Variants in INPP4A observed in about 807,000 individuals in gnomAD.
The protein encoded by INPP4A is inositol polyphosphate-4-phosphatase, type I, 107kD.
INPP4A carries 33 observed loss-of-function variants against 119.8 expected under a neutral mutation model. The ratio of observed to expected loss-of-function variants is 0.28; its 90% confidence interval spans 0.21 to 0.37. The LOEUF is 0.37. INPP4A is among the 10% of genes least tolerant of loss of function. The probability of loss-of-function intolerance (pLI) is 1.00; values close to 1 mark genes in which losing one functional copy is unlikely to be tolerated. For synonymous variants in INPP4A, 496 were observed against 500.7 expected, an observed-to-expected ratio of 0.99 and a Z score of 0.12; for missense variants, 956 against 1,289.9, an observed-to-expected ratio of 0.74 and a Z score of 3.97.
chr2:98,548,544 T>A (rs1692904683), intron 13 of INPP4A, among the ~76,000 whole-genome samples: 1 of 152,222 alleles, frequency 6.6e-6, no homozygotes. Context: ...GGGGTCTTTG[T>A]CCCAGGAGGC....
intron 1 of INPP4A, among the ~76,000 whole-genome samples, chr2:98,511,913 C>G (rs1685189230): frequency 6.6e-6 from 1 of 152,206 alleles, no homozygotes; most frequent in African/African-American, 2.4e-5. Context: ...TGATTATAAA[C>G]TGTAGCGCAA....
chr2:98,522,565 G>T (rs563110110), intron 4 of INPP4A, among the ~76,000 whole-genome samples: 1 of 152,086 alleles, frequency 6.6e-6, no homozygotes, highest in East Asian at 1.9e-4. Context: ...CAGAAGGTCC[G>T]ATATTTAGAA....
chr2:98,477,702 C>T (rs1175153899), intron 1 of INPP4A, among the ~76,000 whole-genome samples: 4 of 152,218 alleles, frequency 2.6e-5, no homozygotes, highest in South Asian at 2.1e-4. Context: ...ACCCAGAGTC[C>T]AGGAGTCTGA....
chr2:98,539,550 C>T lies in INPP4A; in HGVS notation c.693C>T (p.Arg231=), dbSNP rs1261488724. The change falls in exon 10 of 25, where the codon CGC becomes CGT. Residue 231 remains arginine, a synonymous_variant. Transcript: ENST00000409851. ...LKSVFGGAIC[R]MYRFPTTDGN... is the part of the protein sequence containing the mutation. Reference sequence around the variant, plus strand: ...CAGTGTTCGGTGGTGCCATCTGCCGCATGTACCGGTTTCCAACCACTGATG... The same window carrying T: ...CAGTGTTCGGTGGTGCCATCTGCCGTATGTACCGGTTTCCAACCACTGATG... 2 of 1,611,208 alleles carry T rather than the reference C, an allele frequency of 1.2e-6. No homozygotes were observed. Among genetic ancestry groups the T allele is most frequent in the Non-Finnish European group, 1.7e-6 (2 of 1,178,380 alleles).
Position 98,593,208 on chromosome 2 carries a change from T to C in INPP4A, c.*5600T>C, listed in dbSNP as rs1281596714. On this transcript the variant is annotated 3_prime_UTR_variant, in exon 25 of 25. Coordinates refer to ENST00000409851, the MANE Select transcript of INPP4A (RefSeq NM_001134225.2). Reference sequence around the variant, plus strand: ...GCCAGTCCAGGCAGGTCTTTCACACTGTTGTCCCACATAACAGAAAAAGCT... The same window carrying C: ...GCCAGTCCAGGCAGGTCTTTCACACCGTTGTCCCACATAACAGAAAAAGCT... The C allele has an allele frequency of 6.6e-6, 1 of 152,380 alleles. No homozygotes were observed. The highest frequency in any genetic ancestry group is 1.5e-5 in the Non-Finnish European group (1 of 68,130). 9.4% of individuals were successfully genotyped at this position (152,380 alleles called of 1,614,324 possible).
chr2:98,526,119 GA>G (rs1688143433), intron 4 of INPP4A, among the ~76,000 whole-genome samples: 1 of 152,088 alleles, frequency 6.6e-6, no homozygotes, highest in Admixed American at 6.5e-5. Flanking sequence ...AAAAAAGAAT[GA>G]ATTATCAATA....
rs1692555360 is a variant in INPP4A, at chr2:98,546,791, A to G, written c.1163+97A>G. On this transcript the variant is annotated intron_variant, in intron 13 of 24. Coordinates refer to ENST00000409851, the MANE Select transcript of INPP4A (RefSeq NM_001134225.2). The surrounding 1 kb of genome is among the most constrained non-coding windows in gnomAD (Gnocchi z 4.2). ...TCAAAATATGACCGCAAAAACACCCAGCCATCTGATCTGCTTTTGCGTGGC... is the reference window on the plus strand; with the variant it reads ...TCAAAATATGACCGCAAAAACACCCGGCCATCTGATCTGCTTTTGCGTGGC... 2 of 786,738 alleles carry G rather than the reference A, an allele frequency of 2.5e-6. No homozygotes were observed. Among genetic ancestry groups the G allele is most frequent in the African/African-American group, 3.4e-5 (2 of 58,128 alleles). 48.7% of individuals were successfully genotyped at this position (786,738 alleles called of 1,614,324 possible). A position where few individuals can be genotyped will look rare whatever the true frequency, so the allele number is the denominator to read the frequency against.
chr2:98,579,435 G>A (rs1275432201), intron 24 of INPP4A, among the ~76,000 whole-genome samples: 3 of 152,222 alleles, frequency 2.0e-5, no homozygotes, highest in Non-Finnish European at 4.4e-5. Context: ...AATCAAAGGT[G>A]CAGTGAATAT....
At chr2:98,530,787 G>GTT (rs1223749208) in intron 4 of INPP4A, among the ~76,000 whole-genome samples, 1 of 152,214 alleles carries the variant, frequency 6.6e-6, no homozygotes, top group Non-Finnish European at 1.5e-5. Flanking sequence ...ATATATTAGA[G>GTT]TTAAGAGACA....
intron 4 of INPP4A, chr2:98,521,668 A>C (rs1357535305): frequency 1.3e-5 from 2 of 152,284 alleles, no homozygotes. Context: ...ACAGTAGCTC[A>C]CACCTGTAAT....
chr2:98,488,563 C>A (rs531594223), intron 1 of INPP4A, among the ~76,000 whole-genome samples: 1 of 152,282 alleles, frequency 6.6e-6, no homozygotes, highest in South Asian at 2.1e-4. Flanking sequence ...AGTCACTCAC[C>A]CTCTCACCAG....
In INPP4A at chr2:98,456,741, A is replaced by C. The variant is rs779966683; in HGVS notation, c.-166+11656A>C. On this transcript the variant is annotated intron_variant, in intron 1 of 24. Coordinates refer to ENST00000409851, the MANE Select transcript of INPP4A (RefSeq NM_001134225.2). ...TGATAGTGCAAACAGTCTTACAAATAGTGTTCAACCATCGATTGCCCAAAA... is the reference window on the plus strand; with the variant it reads ...TGATAGTGCAAACAGTCTTACAAATCGTGTTCAACCATCGATTGCCCAAAA... 1.6e-4 allele frequency among the ~76,000 whole-genome samples: 25 copies of C among 152,224 alleles called. 1 individual carries two copies. Among genetic ancestry groups the C allele is most frequent in the Non-Finnish European group, 2.8e-4 (19 of 68,046 alleles).
intron 1 of INPP4A, among the ~76,000 whole-genome samples, chr2:98,480,842 C>G (rs1205436445): frequency 6.6e-6 from 1 of 152,244 alleles, no homozygotes; most frequent in Non-Finnish European, 1.5e-5. Flanking sequence ...GTGTGTCCGT[C>G]TCCGCAGCCA....
At position 98,588,893 on chromosome 2, in the gene INPP4A, T is replaced by C. The variant is rs1299104728; in HGVS notation, c.*1285T>C. 1.5e-5 allele frequency: 3 copies of C among 204,670 alleles called. No individual in the cohort carries two copies. The highest frequency in any genetic ancestry group is 6.9e-5 in the African/African-American group (3 of 43,750). The allele number at this position is 204,670 out of a possible 1,614,324, so 12.7% of individuals were successfully genotyped here. ...ATATTAATGATGCTGATCCTAATGA[T>C]TTGTGAACCTCTTAGAAATTCTTTT... On this transcript the variant is annotated 3_prime_UTR_variant, in exon 25 of 25. Coordinates refer to ENST00000409851, the MANE Select transcript of INPP4A (RefSeq NM_001134225.2).
chr2:98,524,803 T>C (rs1687883784), intron 4 of INPP4A, among the ~76,000 whole-genome samples: 1 of 152,152 alleles, frequency 6.6e-6, no homozygotes, highest in East Asian at 1.9e-4. Flanking sequence ...TAATAAAACC[T>C]TGAAGCCTCT....
chr2:98,564,817 C>T (rs1203744368), intron 19 of INPP4A, 54 bp downstream of exon 19: 1 of 1,510,192 alleles, frequency 6.6e-7, no homozygotes, highest in African/African-American at 1.4e-5. Context: ...GGTTTCCATC[C>T]TTTCTTGCTA....
At chr2:98,581,727 T>C (rs1346773698) in intron 24 of INPP4A, 5 of 1,611,830 alleles carry the variant, frequency 3.1e-6, no homozygotes, top group Non-Finnish European at 4.2e-6. Flanking sequence ...GAGCATAGCA[T>C]ACCTGGTGAC....
chr2:98,573,748 C>A (rs758422638), intron 23 of INPP4A, among the ~76,000 whole-genome samples: 2 of 152,174 alleles, frequency 1.3e-5, no homozygotes, highest in African/African-American at 2.4e-5. Flanking sequence ...AGCAGCAGAC[C>A]GTCTCAGCTG....
At chr2:98,548,030 G>A (rs1038596421) in intron 13 of INPP4A, among the ~76,000 whole-genome samples, 1 of 152,184 alleles carries the variant, frequency 6.6e-6, no homozygotes, top group Non-Finnish European at 1.5e-5. Flanking sequence ...GAGTCAGGAC[G>A]TGATCTGAGA....
Sources: gnomAD v4.1 joint callset for allele counts (sites outside exome capture counted in the v4.1 genomes callset) on GRCh38, gnomAD v4.1.1 for gene constraint, Gnocchi (gnomAD v3.1) non-coding constraint, MANE v1.5 for transcripts, NCBI Gene and HGNC (gene_info 2026-07-23, HGNC 2026-07-21) for gene names.